COPG2: variants seen among roughly 807,000 people sequenced by gnomAD.
The protein encoded by COPG2 is coatomer subunit gamma-2.
A neutral mutation model predicts 46.3 loss-of-function variants in COPG2; 37 were observed. That is an observed-to-expected ratio of 0.80 (90% CI 0.61 to 1.05). The LOEUF is 1.05. Among genes scored for constraint, COPG2 ranks in the 50% least tolerant of loss-of-function variants. The pLI is 0.00. For missense variants in COPG2, 427 were observed against 387.8 expected (o/e 1.10, Z -0.85); for synonymous variants, 159 against 129.7 (o/e 1.23, Z -1.53).
chr7:130,612,064 T>G, intron 8 of COPG2, 88 bp downstream of exon 8: 1 of 907,662 alleles, frequency 1.1e-6, no homozygotes, highest in South Asian at 1.4e-5. Context: ...TAGTTAATGT[T>G]TATCTAGGGA....
chr7:130,592,026 A>G (rs1378917998), intron 9 of COPG2, among the ~76,000 whole-genome samples: 3 of 152,188 alleles, frequency 2.0e-5, no homozygotes, highest in African/African-American at 2.4e-5. Context: ...AGAGGTAGAC[A>G]TGGGAGACTT....
At chr7:130,606,280 A>G (rs1794727645) in intron 9 of COPG2, among the ~76,000 whole-genome samples, 1 of 151,652 alleles carries the variant, frequency 6.6e-6, no homozygotes, top group Non-Finnish European at 1.5e-5. Flanking sequence ...AAGAGAAAGA[A>G]AAAGAAAGAG....
At chr7:130,612,338 G>A in intron 7 of COPG2, 100 bp from the exon 8 acceptor site, 1 of 734,678 alleles carries the variant, frequency 1.4e-6, no homozygotes. Context: ...CATTTCCCAA[G>A]AGGAAGAAAA....
At chr7:130,574,056 C>T (rs1175572901) in intron 9 of COPG2, among the ~76,000 whole-genome samples, 1 of 151,986 alleles carries the variant, frequency 6.6e-6, no homozygotes, top group African/African-American at 2.4e-5. Flanking sequence ...TGTTCAGAGC[C>T]ACATTATTCA....
chr7:130,666,982 T>A, intron 2 of COPG2, 53 bp from the exon 3 acceptor site: 1 of 938,522 alleles, frequency 1.1e-6, no homozygotes, highest in South Asian at 1.5e-5. Flanking sequence ...CTATCACAGA[T>A]TATAGCAAAT....
chr7:130,659,361 A>AAAAAAAAAAAAAAC (rs1795926786), intron 4 of COPG2, among the ~76,000 whole-genome samples: 3 of 148,960 alleles, frequency 2.0e-5, no homozygotes, highest in Non-Finnish European at 4.5e-5. Flanking sequence ...TCTCAAAAAA[A>AAAAAAAAAAAAAAC]AAAAAAACGA....
Position 130,528,339 on chromosome 7 carries a change from T to C in COPG2, c.2149+19335A>G, listed in dbSNP as rs1033035085. ...TGTGAAAGAAAGGATGCAAAGGGAATTGAGAAGGTTTTGGGGAGTCAGGGT... is the reference window on the plus strand; with the variant it reads ...TGTGAAAGAAAGGATGCAAAGGGAACTGAGAAGGTTTTGGGGAGTCAGGGT... On this transcript the variant is annotated intron_variant, in intron 20 of 23. Coordinates refer to ENST00000425248, the MANE Select transcript of COPG2 (RefSeq NM_012133.6). Among the ~76,000 whole-genome samples the C allele has an allele frequency of 1.3e-5, 2 of 151,598 alleles. 1 individual carries two copies. The highest frequency in any genetic ancestry group is 4.8e-5 in the African/African-American group (2 of 41,316).
chr7:130,660,927 T>C (rs368319005), intron 4 of COPG2, among the ~76,000 whole-genome samples: 43 of 152,214 alleles, frequency 2.8e-4, no homozygotes, highest in Admixed American at 2.2e-3. Flanking sequence ...CCACAGTCGA[T>C]GTTCCAACCA....
At chr7:130,572,586 C>T (rs1220626216) in intron 9 of COPG2, among the ~76,000 whole-genome samples, 1 of 151,852 alleles carries the variant, frequency 6.6e-6, no homozygotes, top group African/African-American at 2.4e-5. Flanking sequence ...TTAAATATTT[C>T]AAAATTAAAC....
At chr7:130,644,716 T>C (rs1427476216) in intron 5 of COPG2, among the ~76,000 whole-genome samples, 1 of 152,218 alleles carries the variant, frequency 6.6e-6, no homozygotes, top group African/African-American at 2.4e-5. Flanking sequence ...AGGAACTCAT[T>C]GCCTTGTTGG....
chr7:130,515,494 G>C (rs946782125), intron 20 of COPG2, among the ~76,000 whole-genome samples: 14 of 152,158 alleles, frequency 9.2e-5, no homozygotes, highest in Admixed American at 2.6e-4. Flanking sequence ...ATGACAGTTC[G>C]ACATGAGATT....
At chr7:130,601,315 A>G (rs1794627608) in intron 9 of COPG2, among the ~76,000 whole-genome samples, 1 of 152,252 alleles carries the variant, frequency 6.6e-6, no homozygotes, top group Admixed American at 6.5e-5. Context: ...ATTACTGGGT[A>G]TATACCCAAA....
intron 9 of COPG2, among the ~76,000 whole-genome samples, chr7:130,570,616 C>T (rs1340224641): frequency 6.6e-6 from 1 of 152,170 alleles, no homozygotes; most frequent in Non-Finnish European, 1.5e-5. Flanking sequence ...AATGATCACA[C>T]TGCCAAAAGC....
chr7:130,632,055 T>C (rs782077940), intron 5 of COPG2, among the ~76,000 whole-genome samples: 1 of 152,226 alleles, frequency 6.6e-6, no homozygotes, highest in Non-Finnish European at 1.5e-5. Context: ...TTAAGTACTA[T>C]CCATATGTTG....
chr7:130,550,082 A>T (rs892711729), intron 17 of COPG2, among the ~76,000 whole-genome samples: 11 of 152,106 alleles, frequency 7.2e-5, no homozygotes, highest in African/African-American at 2.7e-4. Flanking sequence ...TTTAAACTCT[A>T]ATAAAAATAT....
At chr7:130,655,659 A>G (rs190542778) in intron 4 of COPG2, among the ~76,000 whole-genome samples, 1 of 151,718 alleles carries the variant, frequency 6.6e-6, no homozygotes, top group Admixed American at 6.6e-5. Flanking sequence ...CCCAACCTCC[A>G]TTCGTTTTCT....
At chr7:130,550,470 A>T in intron 17 of COPG2, 54 bp downstream of exon 17, 1 of 371,450 alleles carries the variant, frequency 2.7e-6, no homozygotes, top group East Asian at 3.8e-5. Flanking sequence ...AAATATGCTA[A>T]TATTTTTTAG....
chr7:130,658,564 G>A (rs1795903240), intron 4 of COPG2, among the ~76,000 whole-genome samples: 1 of 151,916 alleles, frequency 6.6e-6, no homozygotes, highest in Non-Finnish European at 1.5e-5. Flanking sequence ...AAAAATAATA[G>A]TCCAGTAAAT....
intron 5 of COPG2, among the ~76,000 whole-genome samples, chr7:130,643,294 CAA>C (rs556885605): frequency 3.4e-5 from 4 of 118,666 alleles, no homozygotes; most frequent in Non-Finnish European, 1.8e-5. Flanking sequence ...GACTGTGTCT[CAA>C]AAAAAAAAAA....
Sources: allele counts gnomAD v4.1 joint callset (sites outside exome capture counted in the v4.1 genomes callset), GRCh38; gene constraint gnomAD v4.1.1; transcripts MANE v1.5; gene names NCBI Gene and HGNC (gene_info 2026-07-23, HGNC 2026-07-21).